The following PPP4R2 variants were observed in gnomAD, a reference collection of about 807,000 sequenced individuals.
PPP4R2 encodes the protein protein phosphatase 4 regulatory subunit 2, also known as serine/threonine-protein phosphatase 4 regulatory subunit 2.
A neutral mutation model predicts 47.2 loss-of-function variants in PPP4R2; 13 were observed. That is an observed-to-expected ratio of 0.28 (90% confidence interval 0.18 to 0.44). The LOEUF (loss-of-function observed/expected upper bound fraction) is 0.44. Ranked by LOEUF, PPP4R2 falls within the 20% of genes least tolerant of loss-of-function variation. The pLI is 1.00. For synonymous variants in PPP4R2, 151 were observed against 163.3 expected, an observed-to-expected ratio of 0.92 and a Z score of 0.57; for missense variants, 421 against 491.2, an observed-to-expected ratio of 0.86 and a Z score of 1.35.
chr3:73,029,559 A>C (rs890007068), intron 2 of PPP4R2, among the ~76,000 whole-genome samples: 1 of 131,652 alleles, frequency 7.6e-6, no homozygotes, highest in African/African-American at 3.0e-5. Context: ...GAATTTCATC[A>C]CATCTGAGAG....
intron 3 of PPP4R2, among the ~76,000 whole-genome samples, chr3:73,050,453 T>TTA (rs67972717): frequency 5.9e-5 from 9 of 151,998 alleles, no homozygotes; most frequent in East Asian, 1.9e-4. Flanking sequence ...TTTGTGTTTT[T>TTA]TATATATATA....
At chr3:73,015,530 C>T (rs1701811578) in intron 2 of PPP4R2, among the ~76,000 whole-genome samples, 1 of 149,492 alleles carries the variant, frequency 6.7e-6, no homozygotes, top group Admixed American at 6.7e-5. Flanking sequence ...GGCTGGAGTG[C>T]AGTGGCATGA....
chr3:73,030,943 C>T (rs553974649), intron 2 of PPP4R2, among the ~76,000 whole-genome samples: 1 of 152,006 alleles, frequency 6.6e-6, no homozygotes, highest in Admixed American at 6.6e-5. Flanking sequence ...CTCAGGTGAT[C>T]TGCCCGCCTC....
At chr3:73,027,002 A>C (rs914663599) in intron 2 of PPP4R2, among the ~76,000 whole-genome samples, 3 of 152,140 alleles carry the variant, frequency 2.0e-5, no homozygotes, top group Non-Finnish European at 2.9e-5. Flanking sequence ...GTACCACCCA[A>C]CTCATACATA....
Position 73,063,579 on chromosome 3 carries a change from G to A in PPP4R2, c.420-94G>A, listed in dbSNP as rs1001478432. 4.6e-5 allele frequency: 32 copies of A among 692,930 alleles called. No homozygotes were observed. The Admixed American group carries it at 7.1e-4, about 15-fold the overall frequency. 42.9% of individuals were successfully genotyped at this position (692,930 alleles called of 1,614,324 possible). A position where few individuals can be genotyped will look rare whatever the true frequency, so the allele number is the denominator to read the frequency against. On this transcript the variant is annotated intron_variant, in intron 5 of 8. Transcript: ENST00000356692. ...GTGGAGGTTGCAGTGAGCTGAGATT[G>A]CACCACTGCACTCCATTCCACCTTG...
At chr3:73,057,896 G>A (rs1430596060) in intron 3 of PPP4R2, among the ~76,000 whole-genome samples, 1 of 152,104 alleles carries the variant, frequency 6.6e-6, no homozygotes, top group Non-Finnish European at 1.5e-5. Context: ...TATAAAAAAT[G>A]AAGACCTTTG....
chr3:73,067,482 G>A lies in PPP4R2; in HGVS notation c.*1760G>A, dbSNP rs769931150. 5.9e-5 allele frequency: 9 copies of A among 152,074 alleles called. No homozygotes were observed. The highest frequency in any genetic ancestry group is 4.1e-4 in the South Asian group (2 of 4,832). The allele number at this position is 152,074 out of a possible 1,614,324, so 9.4% of individuals were successfully genotyped here. ...AGCTAGATGATATATTTATGACTAT[G>A]TCTAATAGTTGAAATAAAATCTGAA... is the stretch of plus-strand genomic sequence containing the variant. On this transcript the variant is annotated 3_prime_UTR_variant, in exon 9 of 9. Transcript: ENST00000356692.
chr3:73,052,342 TAC>T (rs1438205189), intron 3 of PPP4R2, among the ~76,000 whole-genome samples: 2 of 151,586 alleles, frequency 1.3e-5, no homozygotes, highest in African/African-American at 2.4e-5. Flanking sequence ...AAAGTGAAGT[TAC>T]AGTTTGTCAG....
Position 73,067,898 on chromosome 3 carries a change from T to G in PPP4R2, c.*2176T>G, listed in dbSNP as rs191664252. On this transcript the variant is annotated 3_prime_UTR_variant, in exon 9 of 9. Transcript: ENST00000356692. Reference sequence around the variant, plus strand: ...ACATCACTTAACTCTATGAGAGATCTGCATTTTAATCTATAGTTTAATAGT... The same window carrying G: ...ACATCACTTAACTCTATGAGAGATCGGCATTTTAATCTATAGTTTAATAGT... The G allele has an allele frequency of 2.3e-4, 35 of 152,348 alleles. No homozygotes were observed. The highest frequency in any genetic ancestry group is 7.9e-4 in the African/African-American group (33 of 41,594). The allele number at this position is 152,348 out of a possible 1,614,324, so 9.4% of individuals were successfully genotyped here.
At chr3:73,054,144 C>T (rs1702679695) in intron 3 of PPP4R2, among the ~76,000 whole-genome samples, 1 of 152,144 alleles carries the variant, frequency 6.6e-6, no homozygotes, top group African/African-American at 2.4e-5. Flanking sequence ...TCTCGAACTT[C>T]TGACCTCAGG....
intron 2 of PPP4R2, among the ~76,000 whole-genome samples, chr3:73,034,199 C>G (rs962763999): frequency 4.6e-5 from 7 of 152,132 alleles, no homozygotes; most frequent in African/African-American, 1.7e-4. Context: ...ACTACTATTA[C>G]AGTTTTCTGA....
At chr3:73,055,417 C>CATGTGTGTGT (rs1490495308) in intron 3 of PPP4R2, among the ~76,000 whole-genome samples, 35 of 137,414 alleles carry the variant, frequency 2.5e-4, no homozygotes, top group Admixed American at 2.1e-3. Flanking sequence ...AGTGGGGTAG[C>CATGTGTGTGT]GTGTGTGTGT....
At chr3:73,034,707 A>AT (rs1049404329) in intron 2 of PPP4R2, among the ~76,000 whole-genome samples, 5 of 151,910 alleles carry the variant, frequency 3.3e-5, no homozygotes, top group Admixed American at 3.3e-4. Context: ...TAATTTTTAA[A>AT]TTTTTTGTAG....
chr3:73,049,876 T>G (rs1230785185), intron 3 of PPP4R2, among the ~76,000 whole-genome samples: 2 of 152,028 alleles, frequency 1.3e-5, no homozygotes, highest in Non-Finnish European at 2.9e-5. Flanking sequence ...GAACAGTCAT[T>G]AAATGCCTGA....
chr3:73,036,444 T>C (rs892986070), intron 2 of PPP4R2, among the ~76,000 whole-genome samples: 4 of 152,202 alleles, frequency 2.6e-5, no homozygotes, highest in African/African-American at 9.7e-5. Context: ...AGCCCAAATA[T>C]CGATTTGACC....
rs192286283 is a variant in PPP4R2 at position 72,997,843 on chromosome 3, A to G, written c.35-234A>G. ...ACCACACTTCGAGAAGCACTGCGTT[A>G]AAAATGGTTTGTGAAGTTGAGTGCC... is the stretch of plus-strand genomic sequence containing the variant. On this transcript the variant is annotated intron_variant, in intron 1 of 8. Transcript: ENST00000356692. Among the ~76,000 whole-genome samples, 657 of 152,294 alleles carry G rather than the reference A, an allele frequency of 4.3e-3. 3 individuals carry two copies. Among genetic ancestry groups the G allele is most frequent in the African/African-American group, 0.015 (625 of 41,552 alleles).
chr3:73,006,055 A>G (rs1701603416), intron 2 of PPP4R2, among the ~76,000 whole-genome samples: 2 of 152,078 alleles, frequency 1.3e-5, no homozygotes, highest in African/African-American at 4.8e-5. Context: ...ACTTTTTGTC[A>G]ATGTAGATTA....
At chr3:73,043,602 G>A (rs762058270) in intron 2 of PPP4R2, among the ~76,000 whole-genome samples, 3 of 152,066 alleles carry the variant, frequency 2.0e-5, no homozygotes, top group Non-Finnish European at 2.9e-5. Context: ...CCCAGCACTC[G>A]TTCATTATTC....
intron 5 of PPP4R2, chr3:73,062,853 T>G: frequency 1.2e-6 from 2 of 1,613,814 alleles, no homozygotes; most frequent in South Asian, 2.2e-5. Context: ...CACACTTCTA[T>G]TTGGAGACTT....
Sources: allele counts gnomAD v4.1 joint callset (sites outside exome capture counted in the v4.1 genomes callset), GRCh38; gene constraint gnomAD v4.1.1; transcripts MANE v1.5; gene names NCBI Gene and HGNC (gene_info 2026-07-23, HGNC 2026-07-21).